The following PKP2 variants were observed in gnomAD, a reference collection of about 807,000 sequenced individuals.
PKP2 encodes plakophilin 2, also known as plakophilin-2.
Under a neutral mutation model 83.4 loss-of-function variants are expected in PKP2, and 73 were observed. The ratio of observed to expected loss-of-function variants is 0.88; its 90% CI spans 0.72 to 1.06. The LOEUF is 1.06. Ranked by LOEUF, PKP2 falls within the 50% of genes least tolerant of loss-of-function variation. PKP2 has a pLI of 0.00. For synonymous variants in PKP2, 409 were observed against 430.4 expected (o/e 0.95, Z 0.62); for missense variants, 966 against 1,065.4 (o/e 0.91, Z 1.30).
chr12:32,799,132 A>G (rs1956156545), intron 10 of PKP2, among the ~76,000 whole-genome samples: 1 of 152,218 alleles, frequency 6.6e-6, no homozygotes, highest in Non-Finnish European at 1.5e-5. Context: ...AAAAGAAGAT[A>G]TACAAATGGC....
At chr12:32,887,106 G>A (rs1314533025) in intron 1 of PKP2, among the ~76,000 whole-genome samples, 3 of 152,158 alleles carry the variant, frequency 2.0e-5, no homozygotes, top group African/African-American at 7.2e-5. Context: ...TAGTTGTACA[G>A]TGCTATATTT....
At chr12:32,894,073 A>G (rs2138002787) in intron 1 of PKP2, 1 of 152,228 alleles carries the variant, frequency 6.6e-6, no homozygotes, top group South Asian at 2.1e-4. Flanking sequence ...GATTACCGGC[A>G]TGTGCCACCA....
At chr12:32,854,106 AAT>A (rs1387525142) in intron 4 of PKP2, among the ~76,000 whole-genome samples, 1 of 152,222 alleles carries the variant, frequency 6.6e-6, no homozygotes, top group Non-Finnish European at 1.5e-5. Flanking sequence ...TTATTAACTT[AAT>A]TCATAATTTA....
chr12:32,813,293 A>T (rs1384435206), intron 9 of PKP2, among the ~76,000 whole-genome samples: 1 of 152,228 alleles, frequency 6.6e-6, no homozygotes, highest in African/African-American at 2.4e-5. Context: ...GAACAGGATT[A>T]TCAGATCAGT....
intron 3 of PKP2, among the ~76,000 whole-genome samples, chr12:32,870,483 T>C (rs1333217949): frequency 6.6e-6 from 1 of 152,028 alleles, no homozygotes; most frequent in African/African-American, 2.4e-5. Flanking sequence ...TGATCTCATA[T>C]TTTTAATGTG....
chr12:32,863,420 AC>A, intron 4 of PKP2: 1 of 237,100 alleles, frequency 4.2e-6, no homozygotes, highest in Non-Finnish European at 8.8e-6. Flanking sequence ...GTGATGCTGT[AC>A]CCCTCAAGGA....
chr12:32,819,697 C>T (rs775417154), intron 9 of PKP2, among the ~76,000 whole-genome samples: 6 of 152,082 alleles, frequency 3.9e-5, no homozygotes, highest in Non-Finnish European at 8.8e-5. Flanking sequence ...CTAGGTAATA[C>T]ACTAATATTG....
intron 1 of PKP2, among the ~76,000 whole-genome samples, chr12:32,883,583 C>A (rs1957004406): frequency 6.6e-6 from 1 of 152,064 alleles, no homozygotes; most frequent in African/African-American, 2.4e-5. Context: ...TAAACAAATC[C>A]AACATGAAAA....
At chr12:32,833,798 A>T (rs1956521659) in intron 6 of PKP2, among the ~76,000 whole-genome samples, 1 of 152,182 alleles carries the variant, frequency 6.6e-6, no homozygotes, top group Non-Finnish European at 1.5e-5. Flanking sequence ...GCATTGAGAA[A>T]AAAGAATATG....
intron 5 of PKP2, among the ~76,000 whole-genome samples, chr12:32,843,800 T>C (rs1324404231): frequency 1.3e-5 from 2 of 152,180 alleles, no homozygotes; most frequent in East Asian, 3.8e-4. Context: ...ACTCAGAAGG[T>C]GGTTGAAAAC....
chr12:32,812,994 A>T (rs191412271), intron 9 of PKP2, among the ~76,000 whole-genome samples: 1 of 152,208 alleles, frequency 6.6e-6, no homozygotes, highest in Non-Finnish European at 1.5e-5. Context: ...TCTGAAGAAG[A>T]GAATTTTATT....
chr12:32,885,738 T>C (rs968780812), intron 1 of PKP2, among the ~76,000 whole-genome samples: 2 of 152,144 alleles, frequency 1.3e-5, no homozygotes, highest in African/African-American at 4.8e-5. Flanking sequence ...ATTGGTTAGA[T>C]TGAATGTATT....
At chr12:32,866,036 A>T (rs1205316489) in intron 4 of PKP2, among the ~76,000 whole-genome samples, 1 of 152,136 alleles carries the variant, frequency 6.6e-6, no homozygotes, top group Non-Finnish European at 1.5e-5. Context: ...AAACTGAATA[A>T]ATTAAATCCC....
chr12:32,814,510 AG>A (rs1956303859), intron 9 of PKP2, among the ~76,000 whole-genome samples: 1 of 152,060 alleles, frequency 6.6e-6, no homozygotes, highest in Non-Finnish European at 1.5e-5. Flanking sequence ...GTTTCTCTTC[AG>A]CCTCATCAAG....
At chr12:32,883,337 T>A (rs953985462) in intron 1 of PKP2, among the ~76,000 whole-genome samples, 1 of 152,224 alleles carries the variant, frequency 6.6e-6, no homozygotes, top group Non-Finnish European at 1.5e-5. Context: ...TATGCTGGAT[T>A]AAAGATGAAT....
chr12:32,824,741 T>C (rs148484032), intron 6 of PKP2, among the ~76,000 whole-genome samples: 1 of 152,360 alleles, frequency 6.6e-6, no homozygotes, highest in East Asian at 1.9e-4. Context: ...CATGAGAGTT[T>C]GCAGTGTGTA....
chr12:32,837,406 G>A (rs1415453036), intron 6 of PKP2, among the ~76,000 whole-genome samples: 1 of 152,184 alleles, frequency 6.6e-6, no homozygotes, highest in African/African-American at 2.4e-5. Flanking sequence ...CTTGTAGGGA[G>A]TGCTACTGAG....
At chr12:32,881,878 C>T (rs1343598799) in intron 1 of PKP2, among the ~76,000 whole-genome samples, 1 of 152,184 alleles carries the variant, frequency 6.6e-6, no homozygotes, top group Non-Finnish European at 1.5e-5. Context: ...TTCTCTCCTC[C>T]CCAGGCCACT....
At chr12:32,810,494 C>T (rs1956266912) in intron 9 of PKP2, among the ~76,000 whole-genome samples, 1 of 152,184 alleles carries the variant, frequency 6.6e-6, no homozygotes, top group Non-Finnish European at 1.5e-5. Flanking sequence ...GCATATAGAG[C>T]ATCCTCAGGC....
Sources: allele counts gnomAD v4.1 joint callset (sites outside exome capture counted in the v4.1 genomes callset), GRCh38; gene constraint gnomAD v4.1.1; transcripts MANE v1.5; gene names NCBI Gene and HGNC (gene_info 2026-07-23, HGNC 2026-07-21).